TASP1: variants seen among roughly 807,000 people sequenced by gnomAD.
TASP1 encodes taspase 1.
In TASP1, 16 loss-of-function variants were observed where a neutral mutation model predicts 56.6. The observed-to-expected ratio is 0.28, with a 90% CI of 0.19 to 0.43. The LOEUF (loss-of-function observed/expected upper bound fraction) is 0.43, where lower values mean the gene tolerates loss of function less well. Ranked by LOEUF, TASP1 falls within the 20% of genes least tolerant of loss-of-function variation. The pLI is 1.00. For synonymous variants in TASP1, 179 were observed against 184.2 expected, an observed-to-expected ratio of 0.97 and a Z score of 0.23; for missense variants, 393 against 511.6, an observed-to-expected ratio of 0.77 and a Z score of 2.24.
At chr20:13,416,512 A>G (rs6109870) in intron 13 of TASP1, among the ~76,000 whole-genome samples, 9,661 of 152,282 alleles carry the variant, frequency 0.063, 454 homozygotes, top group African/African-American at 0.13. Flanking sequence ...TAGTCAGGAT[A>G]GGTATTACAT....
At chr20:13,592,333 G>T (rs190491736) in intron 4 of TASP1, among the ~76,000 whole-genome samples, 1 of 150,666 alleles carries the variant, frequency 6.6e-6, no homozygotes, top group South Asian at 2.1e-4. Flanking sequence ...GAAGGCAGAG[G>T]TTACAGTGAG....
At chr20:13,476,408 C>CT (rs1325478345) in intron 11 of TASP1, among the ~76,000 whole-genome samples, 1 of 152,102 alleles carries the variant, frequency 6.6e-6, no homozygotes, top group African/African-American at 2.4e-5. Context: ...TGATTTTTGC[C>CT]TTTTTAAATA....
the TASP1 span, among the ~76,000 whole-genome samples, chr20:13,175,777 T>C: frequency 6.6e-6 from 1 of 152,208 alleles, no homozygotes; most frequent in Non-Finnish European, 1.5e-5. Context: ...ATTCTTCCAC[T>C]GGGTTCCCCA....
chr20:13,461,501 G>A (rs2044050453), intron 11 of TASP1, among the ~76,000 whole-genome samples: 1 of 152,126 alleles, frequency 6.6e-6, no homozygotes, highest in Non-Finnish European at 1.5e-5. Context: ...CCGATGGAAG[G>A]GCTCTCCAGG....
chr20:13,618,523 ATC>A (rs2048602007), intron 4 of TASP1, among the ~76,000 whole-genome samples: 9 of 152,302 alleles, frequency 5.9e-5, no homozygotes, highest in Non-Finnish European at 1.2e-4. Context: ...ATACCAAAAT[ATC>A]AGTCACCTGA....
chr20:13,247,517 G>GGTGTGTGTGTGTGTCTGTGTGTGTGTGT, the TASP1 span, among the ~76,000 whole-genome samples: 5 of 139,912 alleles, frequency 3.6e-5, no homozygotes, highest in African/African-American at 8.1e-5. Context: ...CAAAGTGAGG[G>GGTGTGTGTGTGTGTCTGTGTGTGTGTGT]GTGTGTGTGT....
the TASP1 span, among the ~76,000 whole-genome samples, chr20:13,106,352 C>T: frequency 1.3e-5 from 2 of 152,014 alleles, no homozygotes; most frequent in Non-Finnish European, 2.9e-5. Context: ...GGAAGAGAGA[C>T]ATGAAAGCAA....
chr20:13,551,801 C>G (rs904734047), intron 8 of TASP1, among the ~76,000 whole-genome samples: 2 of 152,152 alleles, frequency 1.3e-5, no homozygotes, highest in Non-Finnish European at 2.9e-5. Context: ...GTAAACAATA[C>G]AACCACTTTT....
In TASP1 at chr20:13,389,444, A is replaced by T. The variant is rs911483452; in HGVS notation, c.*916T>A. ...TCTGAGAAGAGGAGTCACATACTAT[A>T]CCCAGTAATACGCTTCTTTTATTTT... On this transcript the variant is annotated 3_prime_UTR_variant, in exon 14 of 14. Transcript: ENST00000337743. The T allele has an allele frequency of 1.3e-5, 2 of 152,280 alleles. No individual in the cohort carries two copies. The highest frequency in any genetic ancestry group is 1.5e-5 in the Non-Finnish European group (1 of 68,050). 9.4% of individuals were successfully genotyped at this position (152,280 alleles called of 1,614,324 possible).
the TASP1 span, among the ~76,000 whole-genome samples, chr20:13,303,484 C>T: frequency 1.3e-5 from 2 of 152,198 alleles, no homozygotes; most frequent in Admixed American, 1.3e-4. Context: ...CACACATAAG[C>T]CCTGTGCTAA....
the TASP1 span, among the ~76,000 whole-genome samples, chr20:13,156,326 C>G: frequency 2.0e-5 from 3 of 152,090 alleles, no homozygotes; most frequent in Non-Finnish European, 4.4e-5. Context: ...AAAAATGAAC[C>G]AACCCAATGA....
chr20:13,560,720 C>T (rs2046317601), intron 7 of TASP1, among the ~76,000 whole-genome samples: 1 of 151,836 alleles, frequency 6.6e-6, no homozygotes, highest in African/African-American at 2.4e-5. Flanking sequence ...CTCATGGGGC[C>T]CTTGCATAGA....
chr20:13,224,707 T>A, the TASP1 span, among the ~76,000 whole-genome samples: 12 of 152,294 alleles, frequency 7.9e-5, no homozygotes, highest in South Asian at 1.5e-3. Context: ...AAGGGACACA[T>A]TCTTATTTAA....
intron 11 of TASP1, among the ~76,000 whole-genome samples, chr20:13,476,033 C>T (rs2042937059): frequency 6.6e-6 from 1 of 152,144 alleles, no homozygotes; most frequent in Non-Finnish European, 1.5e-5. Context: ...GGAGGAGAAT[C>T]ACTTGAATCC....
the TASP1 span, among the ~76,000 whole-genome samples, chr20:13,372,784 CTTAT>C: frequency 1.3e-5 from 2 of 151,132 alleles, no homozygotes; most frequent in Admixed American, 6.6e-5. Context: ...TTTTTTATAA[CTTAT>C]TTAGTTTGTT....
At chr20:13,428,135 G>A (rs572407528) in intron 12 of TASP1, among the ~76,000 whole-genome samples, 11 of 152,094 alleles carry the variant, frequency 7.2e-5, no homozygotes, top group Non-Finnish European at 1.6e-4. Flanking sequence ...TTTCTATATG[G>A]AATCTGTTTT....
intron 1 of TASP1, among the ~76,000 whole-genome samples, chr20:13,633,140 G>C (rs1349921299): frequency 6.6e-6 from 1 of 152,076 alleles, no homozygotes; most frequent in Non-Finnish European, 1.5e-5. Context: ...AAAAATAAAA[G>C]CAGCCATTGG....
At chr20:13,207,987 A>T in the TASP1 span, among the ~76,000 whole-genome samples, 1 of 152,168 alleles carries the variant, frequency 6.6e-6, no homozygotes, top group African/African-American at 2.4e-5. Flanking sequence ...GGAAAAAAAA[A>T]ATCAGGGAAA....
chr20:13,504,434 T>A (rs1461339273), intron 10 of TASP1, among the ~76,000 whole-genome samples: 1 of 152,074 alleles, frequency 6.6e-6, no homozygotes, highest in Non-Finnish European at 1.5e-5. Context: ...GAGTTCACCA[T>A]CATTAAACTT....
Sources: gnomAD v4.1 joint callset for allele counts (sites outside exome capture counted in the v4.1 genomes callset) on GRCh38, gnomAD v4.1.1 for gene constraint, MANE v1.5 for transcripts, NCBI Gene and HGNC (gene_info 2026-07-23, HGNC 2026-07-21) for gene names.